Variants in ZNF107 observed in about 807,000 individuals in gnomAD.
The protein encoded by ZNF107 is zinc finger protein 107, also known as C2H2 type zinc-finger protein.
A neutral mutation model predicts 12.3 loss-of-function variants in ZNF107; 19 were observed. That is an observed-to-expected ratio of 1.55 (90% confidence interval 1.08 to 2.27). The LOEUF (loss-of-function observed/expected upper bound fraction) is 2.27. Ranked by LOEUF, ZNF107 falls within the 30% of genes most tolerant of loss-of-function variation. The pLI is 0.00. For missense variants in ZNF107, 958 were observed against 979.9 expected (o/e 0.98, Z 0.30); for synonymous variants, 317 against 330.5 (o/e 0.96, Z 0.44).
intron 1 of ZNF107, among the ~76,000 whole-genome samples, chr7:64,685,993 A>G (rs1319680708): frequency 6.6e-6 from 1 of 152,076 alleles, no homozygotes; most frequent in Admixed American, 6.6e-5. Context: ...CTACTATCAT[A>G]CACTCTCAAA....
chr7:64,700,086 A>G (rs1790424074), intron 3 of ZNF107, among the ~76,000 whole-genome samples: 1 of 144,632 alleles, frequency 6.9e-6, no homozygotes, highest in Non-Finnish European at 1.5e-5. Context: ...AGAATATTGT[A>G]CATTCTCTTG....
At chr7:64,680,469 C>A (rs1304026334) in intron 1 of ZNF107, among the ~76,000 whole-genome samples, 25 of 152,124 alleles carry the variant, frequency 1.6e-4, no homozygotes. Flanking sequence ...CCGTGAGGAC[C>A]CCCAGTGGAA....
intron 3 of ZNF107, among the ~76,000 whole-genome samples, chr7:64,700,285 CA>C (rs1790431762): frequency 6.6e-6 from 1 of 151,950 alleles, no homozygotes; most frequent in Non-Finnish European, 1.5e-5. Flanking sequence ...TCTTGGTAAT[CA>C]AAAAGTTTAT....
At chr7:64,704,125 G>A (rs1185641353) in intron 3 of ZNF107, among the ~76,000 whole-genome samples, 3 of 132,410 alleles carry the variant, frequency 2.3e-5, no homozygotes, top group African/African-American at 8.5e-5. Flanking sequence ...TCATTAGCAG[G>A]TGTTTATAAT....
intron 3 of ZNF107, among the ~76,000 whole-genome samples, chr7:64,699,463 G>A (rs1271668015): frequency 3.9e-5 from 6 of 152,098 alleles, no homozygotes; most frequent in Admixed American, 3.3e-4. Flanking sequence ...CTCTCACCCA[G>A]GCTAAAGTGC....
At chr7:64,681,564 G>A (rs1789675676) in intron 1 of ZNF107, among the ~76,000 whole-genome samples, 1 of 151,886 alleles carries the variant, frequency 6.6e-6, no homozygotes, top group Non-Finnish European at 1.5e-5. Context: ...CTCAACCCCA[G>A]GGTCTGGGAT....
chr7:64,695,115 T>C (rs1469960331), intron 3 of ZNF107, among the ~76,000 whole-genome samples: 1 of 151,984 alleles, frequency 6.6e-6, no homozygotes, highest in Admixed American at 6.6e-5. Flanking sequence ...TAAATATATA[T>C]ATACATACAC....
Position 64,691,168 on chromosome 7 carries a change from G to A in ZNF107, c.4-80G>A, listed in dbSNP as rs1003376933. ...ATTACAGGCATGAACCACAGTACCC[G>A]ACTATCCTATACATTTTTTTAAAAA... On this transcript the variant is annotated intron_variant, in intron 1 of 3. Coordinates refer to ENST00000620827, the MANE Select transcript of ZNF107 (RefSeq NM_001282359.2). 1.6e-5 allele frequency: 20 copies of A among 1,241,438 alleles called. No individual in the cohort carries two copies. In the African/African-American group the frequency reaches 2.7e-4, roughly 17 times the overall value. The allele number at this position is 1,241,438 out of a possible 1,614,324, so 76.9% of individuals were successfully genotyped here.
intron 1 of ZNF107, chr7:64,684,849 A>C (rs933599750): frequency 2.2e-6 from 1 of 455,282 alleles, no homozygotes; most frequent in Admixed American, 6.4e-5. Context: ...CCGCACTCCC[A>C]CTTCCAGTAA....
At chr7:64,690,565 A>G (rs1790082015) in intron 1 of ZNF107, 1 of 977,400 alleles carries the variant, frequency 1.0e-6, no homozygotes, top group Admixed American at 6.2e-5. Flanking sequence ...ATTTTTTATT[A>G]AAACCAGTAT....
intron 3 of ZNF107, among the ~76,000 whole-genome samples, chr7:64,701,053 A>G (rs1229551276): frequency 6.6e-6 from 1 of 152,134 alleles, no homozygotes; most frequent in African/African-American, 2.4e-5. Flanking sequence ...CTATTGTTAT[A>G]TATACATGTA....
rs28549199 is a variant in ZNF107, at chr7:64,694,502, C to G, written c.226+2542C>G. Among the ~76,000 whole-genome samples the G allele has an allele frequency of 1.3e-4, 17 of 127,792 alleles. No homozygotes were observed. In the East Asian group the frequency reaches 2.3e-3, roughly 17 times the overall value. 83.8% of individuals were successfully genotyped at this position (127,792 alleles called of 152,430 possible). On this transcript the variant is annotated intron_variant, in intron 3 of 3. Coordinates refer to ENST00000620827, the MANE Select transcript of ZNF107 (RefSeq NM_001282359.2). ...TTATTTTTTATTTATTTTCTTTTTTCTTTTTTTTTGTTTTTTTTTGTTTTT... is the reference window on the plus strand; with the variant it reads ...TTATTTTTTATTTATTTTCTTTTTTGTTTTTTTTTGTTTTTTTTTGTTTTT...
At position 64,706,329 on chromosome 7, in the gene ZNF107, T is replaced by C. The variant is rs767750978; in HGVS notation, c.232T>C (p.Ser78Pro). 2.6e-6 allele frequency: 4 copies of C among 1,535,140 alleles called. No homozygotes were observed. The highest frequency in any genetic ancestry group is 3.5e-6 in the Non-Finnish European group (4 of 1,142,110). ...ATTATTTTTATTTCTTTCAGTAATGTCTTTTCATTTTGCCCAAGACCTTTG... is the reference window on the plus strand; with the variant it reads ...ATTATTTTTATTTCTTTCAGTAATGCCTTTTCATTTTGCCCAAGACCTTTG... ...HEMVAKPPVM[S>P]FHFAQDLWPE... Residue 78 changes from serine (S) to proline (P), a missense_variant, in exon 4 of 4, where the codon TCT becomes CCT. Ser to Pro is a moderately conservative substitution (Grantham distance 74, BLOSUM62 -1). Coordinates refer to ENST00000620827, the MANE Select transcript of ZNF107 (RefSeq NM_001282359.2).
At chr7:64,684,519 C>T (rs764257837) in intron 1 of ZNF107, 17 of 934,858 alleles carry the variant, frequency 1.8e-5, no homozygotes, top group Middle Eastern at 5.4e-4. Flanking sequence ...GTCCATCTGA[C>T]ACTCAGCCTG....
Position 64,708,692 on chromosome 7 carries a change from A to G in ZNF107, c.*36A>G. ...AAGCTTACTACACATAGGAAAATTC[A>G]TACTGGAGAGAAACTACAAATGTGA... is the stretch of plus-strand genomic sequence containing the variant. On this transcript the variant is annotated 3_prime_UTR_variant, in exon 4 of 4. Transcript: ENST00000620827. 8 of 1,550,438 alleles carry G rather than the reference A, an allele frequency of 5.2e-6. 1 individual carries two copies. Among genetic ancestry groups the G allele is most frequent in the Non-Finnish European group, 7.0e-6 (8 of 1,145,296 alleles).
At chr7:64,697,899 C>G (rs989682118) in intron 3 of ZNF107, among the ~76,000 whole-genome samples, 4 of 152,020 alleles carry the variant, frequency 2.6e-5, no homozygotes, top group Non-Finnish European at 5.9e-5. Flanking sequence ...TCACCGTGGT[C>G]TCGAACTCCT....
At chr7:64,698,639 T>G (rs550155800) in intron 3 of ZNF107, among the ~76,000 whole-genome samples, 1 of 152,272 alleles carries the variant, frequency 6.6e-6, no homozygotes, top group Non-Finnish European at 1.5e-5. Context: ...CAGGCTGGTC[T>G]TGAACTTCTG....
chr7:64,667,166 T>G (rs1339536823), intron 1 of ZNF107, among the ~76,000 whole-genome samples: 3 of 152,234 alleles, frequency 2.0e-5, no homozygotes, highest in African/African-American at 7.2e-5. Context: ...TCAAGACTAC[T>G]CCCTATTCCC....
chr7:64,686,695 A>G (rs1274627610), intron 1 of ZNF107: 10 of 955,060 alleles, frequency 1.0e-5, no homozygotes, highest in Admixed American at 6.3e-5. Context: ...AAAAACCACA[A>G]AAGAAGAACA....
Sources: gnomAD v4.1 joint callset for allele counts (sites outside exome capture counted in the v4.1 genomes callset) on GRCh38, gnomAD v4.1.1 for gene constraint, MANE v1.5 for transcripts, NCBI Gene and HGNC (gene_info 2026-07-23, HGNC 2026-07-21) for gene names.